Variants in FURIN observed in about 807,000 individuals in gnomAD.
FURIN encodes the protein FES upstream region.
FURIN carries 18 observed loss-of-function variants against 89.2 expected under a neutral mutation model. The observed-to-expected ratio is 0.20, with a 90% CI of 0.14 to 0.30. The LOEUF (loss-of-function observed/expected upper bound fraction) is 0.30, where lower values mean the gene tolerates loss of function less well. Among genes scored for constraint, FURIN ranks in the 10% least tolerant of loss-of-function variants. FURIN has a pLI of 1.00. For synonymous variants in FURIN, 508 were observed against 466.4 expected (o/e 1.09, Z -1.15); for missense variants, 879 against 1,100.5 (o/e 0.80, Z 2.85).
intron 1 of FURIN, among the ~76,000 whole-genome samples, chr15:90,872,529 C>G (rs2031375403): frequency 6.6e-6 from 1 of 152,186 alleles, no homozygotes; most frequent in Non-Finnish European, 1.5e-5. Flanking sequence ...CAAGCCTGAC[C>G]TCTTCTCAAG....
intron 6 of FURIN, 32 bp downstream of exon 6, chr15:90,877,243 C>T (rs770320488): frequency 4.0e-6 from 6 of 1,513,116 alleles, no homozygotes; most frequent in Non-Finnish European, 5.4e-6. Context: ...TCTCTGCCTC[C>T]CTTCTCCTTT....
At chr15:90,877,313 C>G in intron 6 of FURIN, 102 bp downstream of exon 6, 1 of 1,107,332 alleles carries the variant, frequency 9.0e-7, no homozygotes, top group Non-Finnish European at 1.3e-6. Context: ...AAGGCTGAGG[C>G]TTTTCCCACA....
rs541371974 is a variant in FURIN at position 90,882,063 on chromosome 15, G to T, written c.*185G>T. 2 of 589,906 alleles carry T rather than the reference G, an allele frequency of 3.4e-6. No individual in the cohort carries two copies. The highest frequency in any genetic ancestry group is 3.0e-5 in the East Asian group (1 of 33,874). 36.5% of individuals were successfully genotyped at this position (589,906 alleles called of 1,614,324 possible). On this transcript the variant is annotated 3_prime_UTR_variant, in exon 16 of 16. Coordinates refer to ENST00000268171, the MANE Select transcript of FURIN (RefSeq NM_002569.4). ...AGGTGGGCCCAGGACCAGCTGGGGC[G>T]TGGGGAGGGCCGTACCCCACCCTCA... is the stretch of plus-strand genomic sequence containing the variant.
At chr15:90,880,390 C>A in intron 13 of FURIN, 117 bp downstream of exon 13, 1 of 855,356 alleles carries the variant, frequency 1.2e-6, no homozygotes, top group Non-Finnish European at 1.8e-6. Context: ...GTGGGGCACT[C>A]TTGGCATTTT....
Position 90,875,720 on chromosome 15 carries a change from T to A in FURIN, c.-21T>A, listed in dbSNP as rs1200400816. On this transcript the variant is annotated 5_prime_UTR_variant, in exon 2 of 16. Coordinates refer to ENST00000268171, the MANE Select transcript of FURIN (RefSeq NM_002569.4). ...GGCCAAGGAGACGGGCGCTCCAGGG[T>A]CCCAGCCACCTGTCCCCCCCATGGA... The A allele has an allele frequency of 5.9e-6, 9 of 1,518,182 alleles. No individual in the cohort carries two copies. In the East Asian group the frequency reaches 2.2e-4, roughly 37 times the overall value. The allele number at this position is 1,518,182 out of a possible 1,614,324, so 94.0% of individuals were successfully genotyped here. A position where few individuals can be genotyped will look rare whatever the true frequency, so the allele number is the denominator to read the frequency against.
chr15:90,870,764 T>C (rs2031246936), intron 1 of FURIN, among the ~76,000 whole-genome samples: 1 of 152,194 alleles, frequency 6.6e-6, no homozygotes, highest in African/African-American at 2.4e-5. Flanking sequence ...CCCCAGTCTC[T>C]TGCAGGATCT....
At position 90,876,548 on chromosome 15, in the gene FURIN, G is replaced by A; in HGVS notation, c.363G>A (p.Gln121=). The stretch of plus-strand genomic sequence containing the variant: ...CCACAGACCCCAAGTTTCCTCAGCA[G>A]TGGTACCTGGTACGTGGCCTTCTTC... The part of the protein sequence containing the change: ...QEPTDPKFPQ[Q]WYLSGVTQRD... Residue 121 remains glutamine, a synonymous_variant, in exon 4 of 16, where the codon CAG becomes CAA. Transcript: ENST00000268171. The surrounding 1 kb of genome is among the most constrained non-coding windows in gnomAD (Gnocchi z 5.0). The A allele has an allele frequency of 1.2e-6, 2 of 1,608,938 alleles. No individual in the cohort carries two copies. The highest frequency in any genetic ancestry group is 1.7e-6 in the Non-Finnish European group (2 of 1,175,256).
Position 90,880,677 on chromosome 15 carries a change from A to ACTCCC in FURIN, c.1557-7_1557-3dup, listed in dbSNP as rs1567084961. ...CCGCAGAGGCCTCAGGGCTGTGTGC[A>ACTCCC]CTCCCCTCCCCAGGCCACATGACTA... On this transcript the variant is annotated splice_polypyrimidine_tract_variant and intron_variant, in intron 13 of 15. Coordinates refer to ENST00000268171, the MANE Select transcript of FURIN (RefSeq NM_002569.4). The ACTCCC allele has an allele frequency of 2.5e-6, 4 of 1,607,958 alleles. No individual in the cohort carries two copies. The highest frequency in any genetic ancestry group is 3.4e-6 in the Non-Finnish European group (4 of 1,176,814).
chr15:90,882,223 T>C lies in FURIN; in HGVS notation c.*345T>C. On this transcript the variant is annotated 3_prime_UTR_variant, in exon 16 of 16. Coordinates refer to ENST00000268171, the MANE Select transcript of FURIN (RefSeq NM_002569.4). ...GATTCCTGACCCAGGCCGCAGCTCT[T>C]GCCCTTCCCTGTCCCTCTAAAGCAA... 1 of 305,120 alleles carries C rather than the reference T, an allele frequency of 3.3e-6. No homozygotes were observed. Among genetic ancestry groups the C allele is most frequent in the Non-Finnish European group, 6.2e-6 (1 of 161,550 alleles). The allele number at this position is 305,120 out of a possible 1,614,324, so 18.9% of individuals were successfully genotyped here.
chr15:90,872,150 T>G (rs2031348866), intron 1 of FURIN, among the ~76,000 whole-genome samples: 1 of 150,852 alleles, frequency 6.6e-6, no homozygotes, highest in African/African-American at 2.4e-5. Context: ...CTCCTTCGCT[T>G]GGGCCTCGCC....
At position 90,877,204 on chromosome 15, in the gene FURIN, G is replaced by GAC; in HGVS notation, c.573_574dup (p.Asn192ThrfsTer23). The GAC allele has an allele frequency of 6.2e-7, 1 of 1,607,930 alleles. No individual in the cohort carries two copies. The highest frequency in any genetic ancestry group is 8.5e-7 in the Non-Finnish European group (1 of 1,176,702). On this transcript the variant is annotated frameshift_variant, in exon 6 of 16. Transcript: ENST00000268171. LOFTEE classifies it high-confidence loss of function. ...CCAGCCTCGGTACACACAGATGAAT[G>GAC]ACAACAGGTAAGAAGTGGCAGGCCC...
chr15:90,877,119 G>A lies in FURIN; in HGVS notation c.502-16G>A. On this transcript the variant is annotated splice_polypyrimidine_tract_variant and intron_variant, in intron 5 of 15. Transcript: ENST00000268171. ...TGAGGTCAGCCTTCTCCTGATGGTG[G>A]CCAAATCCTTCTTAGGATCCTGGGG... The A allele has an allele frequency of 6.2e-7, 1 of 1,610,248 alleles. No homozygotes were observed. Among genetic ancestry groups the A allele is most frequent in the Non-Finnish European group, 8.5e-7 (1 of 1,177,696 alleles).
At position 90,876,206 on chromosome 15, in the gene FURIN, G is replaced by C. The variant is rs112023347; in HGVS notation, c.178-49G>C. ...TGTCCACCCCCGTCCCCCGCCTCCC[G>C]GGGACTGACAGATGGAAAGCCCAGC... On this transcript the variant is annotated intron_variant, in intron 2 of 15. Transcript: ENST00000268171. The surrounding 1 kb of genome is among the most constrained non-coding windows in gnomAD (Gnocchi z 5.0). 3 of 1,221,394 alleles carry C rather than the reference G, an allele frequency of 2.5e-6. No homozygotes were observed. Among genetic ancestry groups the C allele is most frequent in the Non-Finnish European group, 2.4e-6 (2 of 834,464 alleles). The allele number at this position is 1,221,394 out of a possible 1,614,324, so 75.7% of individuals were successfully genotyped here.
rs1410751513 is a variant in FURIN at position 90,881,805 on chromosome 15, G to T, written c.2312G>T (p.Cys771Phe). The change falls in exon 16 of 16, where the codon TGC becomes TTC. Residue 771 changes from cysteine (C) to phenylalanine (F), a missense_variant. By Grantham distance (205) the Cys-to-Phe change is radical. This residue lies in a region of FURIN where 457 missense variants were observed against 490.7 expected (regional missense o/e 0.93). Transcript: ENST00000268171. The surrounding 1 kb of genome is among the most constrained non-coding windows in gnomAD (Gnocchi z 4.3). ...CCCCCTGAAGCCTGGCAGGAGGAGT[G>T]CCCGTCTGACTCAGAAGAGGACGAG... ...GLPPEAWQEE[C>F]PSDSEEDEGR... The T allele has an allele frequency of 1.2e-6, 2 of 1,613,600 alleles. No individual in the cohort carries two copies.
At chr15:90,877,392 T>C in intron 6 of FURIN, 135 bp from the exon 7 acceptor site, 3 of 872,524 alleles carry the variant, frequency 3.4e-6, no homozygotes, top group Admixed American at 2.4e-5. Flanking sequence ...CCCAGTGGAG[T>C]GTGGGAGATG....
Position 90,881,048 on chromosome 15 carries a change from G to T in FURIN, c.1792+8G>T, listed in dbSNP as rs985789403. ...CCAGTCAGGCCTGTGTGGGTCAGTA[G>T]TGGGTGCTGTTGGGCTTTGGGGGCC... On this transcript the variant is annotated splice_region_variant and intron_variant, in intron 15 of 15. Coordinates refer to ENST00000268171, the MANE Select transcript of FURIN (RefSeq NM_002569.4). This position sits in a 1 kb window ranked among gnomAD's most constrained non-coding sequence, Gnocchi z 4.3. 6.3e-7 allele frequency: 1 copy of T among 1,595,620 alleles called. No homozygotes were observed. The highest frequency in any genetic ancestry group is 8.6e-7 in the Non-Finnish European group (1 of 1,163,116).
intron 7 of FURIN, 137 bp from the exon 8 acceptor site, chr15:90,877,995 C>T: frequency 2.7e-6 from 2 of 752,074 alleles, no homozygotes; most frequent in South Asian, 1.8e-5. Context: ...GTTGGGGGTT[C>T]AGGGTTTCTC....
chr15:90,877,005 C>T lies in FURIN; in HGVS notation c.482C>T (p.Pro161Leu), dbSNP rs1206162946. The T allele has an allele frequency of 5.6e-6, 9 of 1,614,134 alleles. No individual in the cohort carries two copies. The highest frequency in any genetic ancestry group is 7.6e-6 in the Non-Finnish European group (9 of 1,180,024). Residue 161 changes from proline to leucine, a missense_variant, in exon 5 of 16, where the codon CCG (proline) becomes CTG (leucine). This residue lies in a region of FURIN where 139 missense variants were observed against 215.0 expected (regional missense o/e 0.65). Coordinates refer to ENST00000268171, the MANE Select transcript of FURIN (RefSeq NM_002569.4). ...ILDDGIEKNH[P>L]DLAGNYDPGA... is the part of the protein sequence containing the mutation. ...GACGATGGCATCGAGAAGAACCACC[C>T]GGACTTGGCAGGCAATTATGTGAGG...
chr15:90,877,404 G>C (rs1220142766), intron 6 of FURIN, 123 bp from the exon 7 acceptor site: 2 of 915,816 alleles, frequency 2.2e-6, no homozygotes, highest in East Asian at 2.6e-5. Flanking sequence ...TGGGAGATGG[G>C]GGCTGGGTAC....
Sources: allele counts gnomAD v4.1 joint callset (sites outside exome capture counted in the v4.1 genomes callset), GRCh38; gene constraint gnomAD v4.1.1; regional missense constraint gnomAD v4.1.1; non-coding constraint Gnocchi (gnomAD v3.1); transcripts MANE v1.5; gene names NCBI Gene and HGNC (gene_info 2026-07-23, HGNC 2026-07-21).